The following XKR5 variants were observed in gnomAD, a reference collection of about 807,000 sequenced individuals.
XKR5 encodes the protein XK-related protein 5.
Under a neutral mutation model 40.8 loss-of-function variants are expected in XKR5, and 46 were observed. The observed-to-expected ratio is 1.13, with a 90% CI of 0.89 to 1.44. The LOEUF is 1.44. Among genes scored for constraint, XKR5 ranks in the 40% most tolerant of loss-of-function variants. The probability of loss-of-function intolerance (pLI) is 0.00; values close to 1 mark genes in which losing one functional copy is unlikely to be tolerated. For missense variants in XKR5, 1,169 were observed against 844.7 expected, an observed-to-expected ratio of 1.38 and a Z score of -4.76; for synonymous variants, 466 against 356.1, an observed-to-expected ratio of 1.31 and a Z score of -3.48.
At chr8:6,835,356 A>T (rs1018587338) in intron 1 of XKR5, 80 bp downstream of exon 1, 12 of 1,319,136 alleles carry the variant, frequency 9.1e-6, no homozygotes, top group Non-Finnish European at 1.2e-5. Context: ...GCCCGGGCAT[A>T]GGCAGCCTGT....
intron 2 of XKR5, among the ~76,000 whole-genome samples, chr8:6,829,744 TG>T (rs1187874005): frequency 6.6e-6 from 1 of 151,162 alleles, no homozygotes; most frequent in Non-Finnish European, 1.5e-5. Flanking sequence ...TTAGAACTCC[TG>T]GCCTCAAGAG....
chr8:6,821,697 A>G (rs1226514814), intron 5 of XKR5, among the ~76,000 whole-genome samples, 172 bp downstream of exon 5: 1 of 152,184 alleles, frequency 6.6e-6, no homozygotes, highest in Non-Finnish European at 1.5e-5. Flanking sequence ...AAAGCCTGTC[A>G]TCTCTGTTCA....
At chr8:6,819,208 T>C (rs1412919467) in intron 5 of XKR5, among the ~76,000 whole-genome samples, 2 of 152,198 alleles carry the variant, frequency 1.3e-5, no homozygotes, top group East Asian at 3.9e-4. Context: ...AATTGCAGCT[T>C]CTTCTGGGGC....
At chr8:6,823,416 C>A in intron 4 of XKR5, 105 bp downstream of exon 4, 8 of 1,244,906 alleles carry the variant, frequency 6.4e-6, no homozygotes, top group South Asian at 5.5e-5. Context: ...CCCAGTCAGC[C>A]TTCAGGCCTG....
chr8:6,812,271 G>A lies in XKR5; in HGVS notation c.988C>T (p.Leu330=). ...PKSTDIWQGC[L]RKSCGIAGGD... ...CCTGCAATGCCACAGGACTTCCTTA[G>A]GCAGCCCTGCCAGATGTCTGTGGAT... Residue 330 remains leucine (L), a synonymous_variant, in exon 7 of 7, where the codon CTA becomes TTA. Coordinates refer to ENST00000618742, the MANE Select transcript of XKR5 (RefSeq NM_207411.5). 6.4e-7 allele frequency: 1 copy of A among 1,554,134 alleles called. No individual in the cohort carries two copies. The highest frequency in any genetic ancestry group is 8.7e-7 in the Non-Finnish European group (1 of 1,147,850).
intron 5 of XKR5, among the ~76,000 whole-genome samples, chr8:6,820,638 G>C (rs1804188088): frequency 6.6e-6 from 1 of 152,218 alleles, no homozygotes; most frequent in African/African-American, 2.4e-5. Context: ...GCTCATGCAT[G>C]ACCTGGGCCC....
intron 5 of XKR5, among the ~76,000 whole-genome samples, chr8:6,820,445 G>A (rs1804178325): frequency 6.6e-6 from 1 of 152,262 alleles, no homozygotes; most frequent in Non-Finnish European, 1.5e-5. Flanking sequence ...CAACTGACAT[G>A]TGAGTGTGAC....
intron 3 of XKR5, 144 bp downstream of exon 3, chr8:6,825,021 G>C: frequency 1.1e-6 from 1 of 905,226 alleles, no homozygotes; most frequent in Admixed American, 3.1e-5. Context: ...CCAGTTTTAA[G>C]CATCATCTGT....
chr8:6,811,998 T>G lies in XKR5; in HGVS notation c.1261A>C (p.Asn421His), dbSNP rs1443580912. The G allele has an allele frequency of 6.5e-7, 1 of 1,537,344 alleles. No homozygotes were observed. The highest frequency in any genetic ancestry group is 2.4e-5 in the East Asian group (1 of 40,900). Residue 421 changes from asparagine to histidine, a missense_variant, in exon 7 of 7, where the codon AAT becomes CAT. Asn to His is a moderately conservative substitution (Grantham distance 68, BLOSUM62 1). Coordinates refer to ENST00000618742, the MANE Select transcript of XKR5 (RefSeq NM_207411.5). ...ALKTGNVSKI[N>H]AAFGDNSPAY... The stretch of plus-strand genomic sequence containing the variant: ...GGACTGTTATCTCCAAAGGCGGCAT[T>G]GATCTTAGACACATTTCCTGTTTTT...
intron 2 of XKR5, among the ~76,000 whole-genome samples, chr8:6,830,369 A>G (rs1034285426): frequency 4.6e-5 from 7 of 152,304 alleles, no homozygotes; most frequent in Admixed American, 3.9e-4. Flanking sequence ...TTTGAACCCT[A>G]TGTGCTAGTT....
At chr8:6,815,424 C>A (rs1293512510) in intron 6 of XKR5, among the ~76,000 whole-genome samples, 5 of 152,104 alleles carry the variant, frequency 3.3e-5, no homozygotes, top group Non-Finnish European at 4.4e-5. Flanking sequence ...TGCTAGGGCA[C>A]CCACTTCCCG....
chr8:6,825,389 G>C (rs1223167839), intron 2 of XKR5, 40 bp from the exon 3 acceptor site: 2 of 1,475,338 alleles, frequency 1.4e-6, no homozygotes, highest in South Asian at 2.8e-5. Flanking sequence ...GAGCCAGGCT[G>C]TGGCGAGATT....
chr8:6,832,557 G>C lies in XKR5; in HGVS notation c.242+160C>G, dbSNP rs543989461. ...TCAAAAAAGTGCAGGCTGGACCCGG[G>C]CATGCCAATATCAGAGCAGGGGTTT... On this transcript the variant is annotated intron_variant, in intron 2 of 6. Transcript: ENST00000618742. 2.0e-5 allele frequency among the ~76,000 whole-genome samples: 3 copies of C among 152,232 alleles called. No individual in the cohort carries two copies. The South Asian group carries it at 6.2e-4, about 32-fold the overall frequency.
intron 5 of XKR5, among the ~76,000 whole-genome samples, chr8:6,821,402 A>C (rs372088973): frequency 2.6e-5 from 4 of 152,336 alleles, no homozygotes; most frequent in African/African-American, 9.6e-5. Flanking sequence ...AAATATTATA[A>C]GTTCTTCAAA....
chr8:6,831,514 C>T (rs1486975193), intron 2 of XKR5, among the ~76,000 whole-genome samples: 3 of 152,162 alleles, frequency 2.0e-5, no homozygotes, highest in Non-Finnish European at 2.9e-5. Flanking sequence ...ATTCCCTGCT[C>T]ACAGTGATGC....
rs200501626 is a variant in XKR5 at position 6,827,912 on chromosome 8, C to CA, written c.243-2564dup. Among the ~76,000 whole-genome samples, 619 of 151,670 alleles carry CA rather than the reference C, an allele frequency of 4.1e-3. 4 individuals carry two copies. Among genetic ancestry groups the CA allele is most frequent in the African/African-American group, 0.011 (449 of 41,352 alleles). Reference sequence around the variant, plus strand: ...GAGACTCCATGTCTACAAAACAAAACAAAACAAAGAGCTGGGATAGTGGTG... The same window carrying CA: ...GAGACTCCATGTCTACAAAACAAAACAAAAACAAAGAGCTGGGATAGTGGTG... On this transcript the variant is annotated intron_variant, in intron 2 of 6. Transcript: ENST00000618742.
intron 1 of XKR5, among the ~76,000 whole-genome samples, chr8:6,834,136 C>G (rs73661490): frequency 0.14 from 21,123 of 152,228 alleles, 3,291 homozygotes; most frequent in African/African-American, 0.38. Context: ...ACGGCCTCCT[C>G]AGGGTTGTCT....
chr8:6,829,429 G>C (rs1453011807), intron 2 of XKR5: 1 of 163,224 alleles, frequency 6.1e-6, no homozygotes, highest in African/African-American at 2.4e-5. Context: ...AGGTTCTCTT[G>C]AACAGAGTCA....
chr8:6,813,521 G>A (rs1183537501), intron 6 of XKR5, among the ~76,000 whole-genome samples: 1 of 152,192 alleles, frequency 6.6e-6, no homozygotes, highest in Non-Finnish European at 1.5e-5. Context: ...TTGGTCCCAG[G>A]ATGGAAGGAA....
Sources: allele counts gnomAD v4.1 joint callset (sites outside exome capture counted in the v4.1 genomes callset), GRCh38; gene constraint gnomAD v4.1.1; transcripts MANE v1.5; gene names NCBI Gene and HGNC (gene_info 2026-07-23, HGNC 2026-07-21).